The following CETN3 variants were observed in gnomAD, a reference collection of about 807,000 sequenced individuals.
The protein encoded by CETN3 is centrin 3.
In CETN3, 17 loss-of-function variants were observed where a neutral mutation model predicts 20.1. That is an observed-to-expected ratio of 0.85 (90% confidence interval 0.58 to 1.27). CETN3 has a LOEUF of 1.27. CETN3 is among the 50% of genes most tolerant of loss of function. The pLI is 0.00. For synonymous variants in CETN3, 52 were observed against 59.7 expected (o/e 0.87, Z 0.59); for missense variants, 169 against 191.2 (o/e 0.88, Z 0.69).
chr5:90,405,830 A>G (rs761114064), intron 2 of CETN3, 31 bp from the exon 3 acceptor site: 1 of 1,304,776 alleles, frequency 7.7e-7, no homozygotes, highest in Admixed American at 1.9e-5. Flanking sequence ...AGCAAATTAT[A>G]AAGCACTCTT....
At chr5:90,399,164 A>G (rs140001726) in intron 4 of CETN3, 194 bp downstream of exon 4, 2 of 608,692 alleles carry the variant, frequency 3.3e-6, no homozygotes, top group Admixed American at 3.0e-5. Flanking sequence ...AAAGTGAAGG[A>G]CCTTCTTGAA....
rs1241503593 is a variant in CETN3, at chr5:90,395,841, TGAG to T, written c.461-1737_461-1735del. ...AAAAAATTAACCAATTAAAAAATGT[TGAG>T]GAGATAAAACATGGTCATAGGGAAT... On this transcript the variant is annotated intron_variant, in intron 4 of 4. Transcript: ENST00000283122. 1.8e-5 allele frequency: 16 copies of T among 879,678 alleles called. No individual in the cohort carries two copies. In the East Asian group the frequency reaches 1.3e-3, roughly 73 times the overall value. The allele number at this position is 879,678 out of a possible 1,614,324, so 54.5% of individuals were successfully genotyped here. A position where few individuals can be genotyped will look rare whatever the true frequency, so the allele number is the denominator to read the frequency against.
At position 90,392,778 on chromosome 5, in the gene CETN3, C is replaced by T. The variant is rs1055686040; in HGVS notation, c.*1286G>A. The T allele has an allele frequency of 1.3e-5, 2 of 152,110 alleles. No individual in the cohort carries two copies. Among genetic ancestry groups the T allele is most frequent in the East Asian group, 3.9e-4 (2 of 5,190 alleles). 9.4% of individuals were successfully genotyped at this position (152,110 alleles called of 1,614,324 possible). On this transcript the variant is annotated 3_prime_UTR_variant, in exon 5 of 5. Transcript: ENST00000283122. ...TGCAGTCTTGGGTATTTCTTCGTAGCAATACAAGAATGACTTAATATACAC... is the reference window on the plus strand; with the variant it reads ...TGCAGTCTTGGGTATTTCTTCGTAGTAATACAAGAATGACTTAATATACAC...
At chr5:90,409,574 C>G (rs1749569083) in intron 1 of CETN3, 71 bp downstream of exon 1, 2 of 1,583,418 alleles carry the variant, frequency 1.3e-6, no homozygotes, top group African/African-American at 1.3e-5. Flanking sequence ...CAAACGTCCT[C>G]CCTTCCACAC....
Position 90,399,398 on chromosome 5 carries a change from T to C in CETN3, c.420A>G (p.Arg140=). Residue 140 remains arginine (R), a synonymous_variant, in exon 4 of 5, where the codon CGA becomes CGG. Transcript: ENST00000283122. The stretch of plus-strand genomic sequence containing the variant: ...CTTTGTCAAATTCTTCTATCATAGC[T>C]CGAAGTTCTTCATCACTCATGTTTT... ...LGENMSDEEL[R]AMIEEFDKDG... The C allele has an allele frequency of 6.2e-7, 1 of 1,614,052 alleles. No homozygotes were observed. Among genetic ancestry groups the C allele is most frequent in the Non-Finnish European group, 8.5e-7 (1 of 1,179,974 alleles).
chr5:90,405,370 T>G, intron 3 of CETN3: 1 of 332,202 alleles, frequency 3.0e-6, no homozygotes, highest in Non-Finnish European at 5.4e-6. Context: ...AATAATTTTT[T>G]GATCACCCTT....
At chr5:90,394,144 A>G in intron 4 of CETN3, 37 bp from the exon 5 acceptor site, 1 of 1,391,360 alleles carries the variant, frequency 7.2e-7, no homozygotes, top group Non-Finnish European at 1.0e-6. Context: ...TCAGAAATAT[A>G]AACATTTTAT....
chr5:90,408,556 G>A (rs976618847), intron 1 of CETN3, among the ~76,000 whole-genome samples: 1 of 152,000 alleles, frequency 6.6e-6, no homozygotes, highest in Non-Finnish European at 1.5e-5. Flanking sequence ...GTAAACCGGA[G>A]GTTAACTTCT....
chr5:90,399,277 G>T, intron 4 of CETN3, 81 bp downstream of exon 4: 2 of 1,295,696 alleles, frequency 1.5e-6, no homozygotes, highest in Non-Finnish European at 2.2e-6. Context: ...AAAAAGTCTT[G>T]CAAGTCATTT....
intron 4 of CETN3, chr5:90,396,665 A>C: frequency 1.2e-6 from 1 of 805,870 alleles, no homozygotes; most frequent in Non-Finnish European, 1.8e-6. Context: ...AAAATCCAAA[A>C]AGTACTTGTT....
rs1749072918 is a variant in CETN3, at chr5:90,393,793, TA to T, written c.*270del. The T allele has an allele frequency of 4.2e-6, 1 of 235,594 alleles. No homozygotes were observed. The highest frequency in any genetic ancestry group is 2.2e-5 in the African/African-American group (1 of 44,494). 14.6% of individuals were successfully genotyped at this position (235,594 alleles called of 1,614,324 possible). On this transcript the variant is annotated 3_prime_UTR_variant, in exon 5 of 5. Transcript: ENST00000283122. ...TAAAAAGTGACTATAAATGTTAAAT[TA>T]AAAAACCTTCAAAGAACACATATCA...
At chr5:90,400,650 G>A (rs886420654) in intron 3 of CETN3, among the ~76,000 whole-genome samples, 4 of 147,010 alleles carry the variant, frequency 2.7e-5, no homozygotes, top group Admixed American at 6.9e-5. Flanking sequence ...AAGGAACCCA[G>A]AATGAAAAAA....
intron 4 of CETN3, 123 bp from the exon 5 acceptor site, chr5:90,394,230 G>A (rs1297516928): frequency 1.7e-6 from 1 of 583,916 alleles, no homozygotes; most frequent in African/African-American, 1.9e-5. Flanking sequence ...ATTACATTAA[G>A]ACATGGCTTT....
At chr5:90,408,292 T>A (rs1271281779) in intron 1 of CETN3, among the ~76,000 whole-genome samples, 5 of 152,320 alleles carry the variant, frequency 3.3e-5, no homozygotes, top group Middle Eastern at 3.4e-3. Context: ...TTGATAGTTC[T>A]GATAATTATG....
chr5:90,401,325 T>A (rs1435050122), intron 3 of CETN3, among the ~76,000 whole-genome samples: 2 of 152,212 alleles, frequency 1.3e-5, no homozygotes, highest in Non-Finnish European at 2.9e-5. Flanking sequence ...TCTATTCTTG[T>A]TCCACAAAGT....
At chr5:90,404,008 A>G (rs1009927560) in intron 3 of CETN3, among the ~76,000 whole-genome samples, 3 of 152,330 alleles carry the variant, frequency 2.0e-5, no homozygotes, top group African/African-American at 7.2e-5. Flanking sequence ...TCAATAAAAA[A>G]TATACACAAA....
At chr5:90,404,991 G>C (rs548053741) in intron 3 of CETN3, among the ~76,000 whole-genome samples, 2 of 152,028 alleles carry the variant, frequency 1.3e-5, no homozygotes, top group South Asian at 4.2e-4. Flanking sequence ...GAAAAAGCCT[G>C]GTCTATATAT....
chr5:90,403,653 C>T (rs1049762456), intron 3 of CETN3, among the ~76,000 whole-genome samples: 1 of 151,622 alleles, frequency 6.6e-6, no homozygotes, highest in African/African-American at 2.4e-5. Flanking sequence ...GGGCGGATCA[C>T]GAGGTCAGGA....
At chr5:90,404,591 G>A (rs1723278644) in intron 3 of CETN3, among the ~76,000 whole-genome samples, 1 of 152,056 alleles carries the variant, frequency 6.6e-6, no homozygotes, top group Non-Finnish European at 1.5e-5. Context: ...ATAAGTTGAG[G>A]ATCTTCTGTG....
Sources: allele counts gnomAD v4.1 joint callset (sites outside exome capture counted in the v4.1 genomes callset), GRCh38; gene constraint gnomAD v4.1.1; transcripts MANE v1.5; gene names NCBI Gene and HGNC (gene_info 2026-07-23, HGNC 2026-07-21).